The following TACC1 variants were observed in gnomAD, a reference collection of about 807,000 sequenced individuals.
TACC1 encodes the protein transforming acidic coiled-coil-containing protein 1.
TACC1 carries 48 observed loss-of-function variants against 84.4 expected under a neutral mutation model. That is an observed-to-expected ratio of 0.57 (90% CI 0.45 to 0.72). The LOEUF (loss-of-function observed/expected upper bound fraction) is 0.72. TACC1 is among the 30% of genes least tolerant of loss of function. The pLI, the probability that TACC1 is intolerant of heterozygous loss-of-function variation, is 0.00. For missense variants in TACC1, 920 were observed against 973.0 expected (o/e 0.95, Z 0.72); for synonymous variants, 372 against 376.3 (o/e 0.99, Z 0.13).
chr8:38,778,805 T>C (rs777435242), intron 3 of TACC1, among the ~76,000 whole-genome samples: 3 of 152,140 alleles, frequency 2.0e-5, no homozygotes, highest in Non-Finnish European at 4.4e-5. Context: ...CAACATAGTT[T>C]CTTGGAAGAA....
At chr8:38,790,085 T>A (rs1818282629) in intron 2 of TACC1, among the ~76,000 whole-genome samples, 1 of 152,244 alleles carries the variant, frequency 6.6e-6, no homozygotes, top group South Asian at 2.1e-4. Context: ...GGCAGGGCCT[T>A]GCTCTTCTGA....
chr8:38,798,606 CGTGTGT>C (rs10631964), intron 2 of TACC1, among the ~76,000 whole-genome samples: 41 of 143,508 alleles, frequency 2.9e-4, no homozygotes, highest in South Asian at 1.4e-3. Flanking sequence ...CTGGGTTCTG[CGTGTGT>C]GTGTGTGTGT....
intron 3 of TACC1, among the ~76,000 whole-genome samples, chr8:38,750,317 CA>C (rs1808799184): frequency 6.6e-6 from 1 of 152,200 alleles, no homozygotes; most frequent in African/African-American, 2.4e-5. Flanking sequence ...AAAACTTCCT[CA>C]ACCTGATTAA....
At chr8:38,752,831 T>C (rs977347323) in intron 3 of TACC1, among the ~76,000 whole-genome samples, 2 of 152,120 alleles carry the variant, frequency 1.3e-5, no homozygotes, top group Admixed American at 1.3e-4. Context: ...TGTCCAACTA[T>C]GATCCTCCTG....
At chr8:38,770,187 C>G (rs1239075320) in intron 3 of TACC1, among the ~76,000 whole-genome samples, 2 of 152,042 alleles carry the variant, frequency 1.3e-5, no homozygotes, top group Non-Finnish European at 2.9e-5. Context: ...CCCGCGGCTT[C>G]CCTGCTGAGC....
chr8:38,751,513 AT>A (rs1175354202), intron 3 of TACC1, among the ~76,000 whole-genome samples: 5 of 152,182 alleles, frequency 3.3e-5, no homozygotes, highest in African/African-American at 1.2e-4. Flanking sequence ...CACTTCACAT[AT>A]ATTGCATTTC....
At chr8:38,762,354 C>T (rs571007603) in intron 3 of TACC1, among the ~76,000 whole-genome samples, 2 of 152,294 alleles carry the variant, frequency 1.3e-5, no homozygotes, top group African/African-American at 4.8e-5. Context: ...GTAGGTACCT[C>T]ATGTAAGTGG....
Position 38,815,257 on chromosome 8 carries a change from T to C in TACC1, c.278-4265T>C, listed in dbSNP as rs552249358. Among the ~76,000 whole-genome samples, 15 of 152,366 alleles carry C rather than the reference T, an allele frequency of 9.8e-5. No individual in the cohort carries two copies. In the South Asian group the frequency reaches 2.9e-3, roughly 29 times the overall value. On this transcript the variant is annotated intron_variant, in intron 2 of 12. Transcript: ENST00000317827. ...GAAGTTCTCCTTAAAAGGTCACGTGTATTAAGTTCCTAGAACGCCTGTTCA... is the reference window on the plus strand; with the variant it reads ...GAAGTTCTCCTTAAAAGGTCACGTGCATTAAGTTCCTAGAACGCCTGTTCA...
intron 3 of TACC1, among the ~76,000 whole-genome samples, chr8:38,760,214 G>A (rs1303255656): frequency 6.6e-6 from 1 of 152,128 alleles, no homozygotes; most frequent in East Asian, 1.9e-4. Context: ...ATATAAACAA[G>A]CATAGATGTA....
At chr8:38,751,430 T>C (rs1367197851) in intron 3 of TACC1, among the ~76,000 whole-genome samples, 1 of 152,224 alleles carries the variant, frequency 6.6e-6, no homozygotes, top group African/African-American at 2.4e-5. Context: ...GCCTTGGGTA[T>C]GTTTAACCTT....
At chr8:38,784,677 G>A (rs1247338025), upstream of TACC1, among the ~76,000 whole-genome samples, 1 of 152,188 alleles carries the variant, frequency 6.6e-6, no homozygotes, top group African/African-American at 2.4e-5. Flanking sequence ...TTTCCCCAGG[G>A]GGAGTCAGGC....
At chr8:38,799,382 G>A (rs565959724) in intron 2 of TACC1, among the ~76,000 whole-genome samples, 1 of 152,346 alleles carries the variant, frequency 6.6e-6, no homozygotes, top group African/African-American at 2.4e-5. Context: ...GCTCTGTCTT[G>A]GACGCTCAGT....
At chr8:38,806,752 A>C (rs1391905529) in intron 2 of TACC1, among the ~76,000 whole-genome samples, 1 of 152,184 alleles carries the variant, frequency 6.6e-6, no homozygotes, top group Non-Finnish European at 1.5e-5. Context: ...GTTCTCTTCT[A>C]TACCAGTTCT....
chr8:38,767,932 G>A lies in TACC1; in HGVS notation c.27-20772G>A, dbSNP rs184478551. ...ATTTTTTTAAAAATTAGCCAGATGT[G>A]TTGTCGGCGCCTGTGGTCCCAGCTA... On this transcript the variant is annotated intron_variant, in intron 3 of 14. Transcript: ENST00000518415. Among the ~76,000 whole-genome samples, 300 of 152,234 alleles carry A rather than the reference G, an allele frequency of 2.0e-3. 1 individual carries two copies. Among genetic ancestry groups the A allele is most frequent in the African/African-American group, 6.9e-3 (285 of 41,544 alleles).
intron 8 of TACC1, chr8:38,839,172 A>G: frequency 2.9e-6 from 1 of 345,378 alleles, no homozygotes; most frequent in East Asian, 4.0e-5. Flanking sequence ...TGCAGGCATG[A>G]GCCACAGCGC....
intron 3 of TACC1, among the ~76,000 whole-genome samples, chr8:38,777,914 C>T (rs2151927395): frequency 6.6e-6 from 1 of 152,292 alleles, no homozygotes; most frequent in African/African-American, 2.4e-5. Context: ...TGGCCTCTTG[C>T]TGTGTGACCA....
chr8:38,803,705 G>T (rs937422537), intron 2 of TACC1, among the ~76,000 whole-genome samples: 1 of 152,160 alleles, frequency 6.6e-6, no homozygotes, highest in Non-Finnish European at 1.5e-5. Flanking sequence ...TTCAATAAAA[G>T]ATGCTGGTCT....
At chr8:38,809,823 C>T (rs1032245561) in intron 2 of TACC1, among the ~76,000 whole-genome samples, 1 of 152,116 alleles carries the variant, frequency 6.6e-6, no homozygotes, top group African/African-American at 2.4e-5. Flanking sequence ...GTGTTGGTAG[C>T]GCTTTACTTC....
intron 2 of TACC1, among the ~76,000 whole-genome samples, chr8:38,791,437 T>C (rs565330248): frequency 4.6e-5 from 7 of 152,292 alleles, no homozygotes; most frequent in Admixed American, 2.0e-4. Flanking sequence ...CTCATCAACC[T>C]GGTCGTACCC....
Sources: allele counts gnomAD v4.1 joint callset (sites outside exome capture counted in the v4.1 genomes callset), GRCh38; gene constraint gnomAD v4.1.1; transcripts MANE v1.5; gene names NCBI Gene and HGNC (gene_info 2026-07-23, HGNC 2026-07-21).